Variants in BRINP3 observed in about 807,000 individuals in gnomAD.
BRINP3 encodes BMP/retinoic acid-inducible neural-specific protein 3.
A neutral mutation model predicts 71.0 loss-of-function variants in BRINP3; 19 were observed. The observed-to-expected ratio is 0.27, with a 90% CI of 0.19 to 0.39. The LOEUF (loss-of-function observed/expected upper bound fraction) is 0.39. Ranked by LOEUF, BRINP3 falls within the 10% of genes least tolerant of loss-of-function variation. The probability of loss-of-function intolerance (pLI) is 1.00; values close to 1 mark genes in which losing one functional copy is unlikely to be tolerated. For synonymous variants in BRINP3, 380 were observed against 337.7 expected (o/e 1.13, Z -1.37); for missense variants, 959 against 940.8 (o/e 1.02, Z -0.25).
At chr1:190,253,423 C>A (rs1382689949) in intron 4 of BRINP3, among the ~76,000 whole-genome samples, 2 of 152,168 alleles carry the variant, frequency 1.3e-5, no homozygotes, top group African/African-American at 4.8e-5. Flanking sequence ...TCTACACATC[C>A]TCTCCAGCAT....
intron 6 of BRINP3, among the ~76,000 whole-genome samples, chr1:190,165,018 A>G (rs1651364310): frequency 1.3e-5 from 2 of 152,172 alleles, no homozygotes; most frequent in Non-Finnish European, 2.9e-5. Context: ...ACAATGCAAT[A>G]TGGATAATAA....
chr1:190,442,488 T>C (rs1322732221), intron 2 of BRINP3, among the ~76,000 whole-genome samples: 1 of 152,202 alleles, frequency 6.6e-6, no homozygotes, highest in Admixed American at 6.5e-5. Flanking sequence ...GGCCATTCTC[T>C]TTGACTCTTT....
At chr1:190,316,561 T>C (rs1256667258) in intron 2 of BRINP3, among the ~76,000 whole-genome samples, 2 of 152,128 alleles carry the variant, frequency 1.3e-5, no homozygotes, top group Admixed American at 1.3e-4. Context: ...ACTATCACAG[T>C]ATTTTACTAA....
intron 2 of BRINP3, among the ~76,000 whole-genome samples, chr1:190,423,370 C>A (rs1482288981): frequency 6.6e-6 from 1 of 151,514 alleles, no homozygotes; most frequent in African/African-American, 2.4e-5. Flanking sequence ...CTAAGGCAGC[C>A]CCCAGTCCAC....
At chr1:190,387,686 G>A (rs1670998981) in intron 2 of BRINP3, among the ~76,000 whole-genome samples, 1 of 151,616 alleles carries the variant, frequency 6.6e-6, no homozygotes, top group Admixed American at 6.6e-5. Flanking sequence ...TTGTTTGCTT[G>A]CTCATTTGTT....
intron 2 of BRINP3, among the ~76,000 whole-genome samples, chr1:190,388,669 C>T (rs903243453): frequency 6.6e-6 from 1 of 151,732 alleles, no homozygotes; most frequent in Non-Finnish European, 1.5e-5. Flanking sequence ...ACTCCAGAAA[C>T]ATGAGACAAT....
At chr1:190,407,862 C>T (rs944824064) in intron 2 of BRINP3, among the ~76,000 whole-genome samples, 4 of 152,126 alleles carry the variant, frequency 2.6e-5, no homozygotes, top group African/African-American at 9.6e-5. Context: ...AAATTTATTA[C>T]GTTGGCTGAG....
At chr1:190,145,445 A>G (rs1239219241) in intron 7 of BRINP3, among the ~76,000 whole-genome samples, 1 of 152,142 alleles carries the variant, frequency 6.6e-6, no homozygotes, top group Non-Finnish European at 1.5e-5. Context: ...TCTCTTTTGA[A>G]CTGCTTTCTT....
At chr1:190,209,353 T>C (rs1422291695) in intron 6 of BRINP3, among the ~76,000 whole-genome samples, 3 of 152,126 alleles carry the variant, frequency 2.0e-5, no homozygotes, top group African/African-American at 7.2e-5. Flanking sequence ...ACACAAACAG[T>C]GAGTTTTCAA....
chr1:190,439,216 G>C (rs1288609655), intron 2 of BRINP3, among the ~76,000 whole-genome samples: 1 of 151,610 alleles, frequency 6.6e-6, no homozygotes. Context: ...CTCTTCCTAG[G>C]AGAGAAAAAA....
intron 2 of BRINP3, among the ~76,000 whole-genome samples, chr1:190,454,005 G>A (rs1489718689): frequency 6.6e-6 from 1 of 152,048 alleles, no homozygotes; most frequent in Non-Finnish European, 1.5e-5. Flanking sequence ...TGTATTCACG[G>A]GACATCAGGT....
intron 7 of BRINP3, among the ~76,000 whole-genome samples, chr1:190,128,501 G>T (rs1045507074): frequency 6.6e-6 from 1 of 151,710 alleles, no homozygotes; most frequent in African/African-American, 2.4e-5. Context: ...GTTGGTTGAT[G>T]AATAAAGGTT....
chr1:190,234,130 G>A (rs1658282301), intron 5 of BRINP3, among the ~76,000 whole-genome samples: 1 of 152,010 alleles, frequency 6.6e-6, no homozygotes, highest in Non-Finnish European at 1.5e-5. Flanking sequence ...ATATTATTAG[G>A]ACAGATTTTC....
intron 7 of BRINP3, among the ~76,000 whole-genome samples, chr1:190,126,930 C>T (rs1178783374): frequency 6.6e-6 from 1 of 151,692 alleles, no homozygotes; most frequent in Non-Finnish European, 1.5e-5. Flanking sequence ...GTGAAGAAAG[C>T]AAATATTTAA....
intron 2 of BRINP3, among the ~76,000 whole-genome samples, chr1:190,345,507 T>G (rs1167196778): frequency 6.6e-6 from 1 of 151,584 alleles, no homozygotes; most frequent in Non-Finnish European, 1.5e-5. Flanking sequence ...GTAATATTAG[T>G]CATATATATC....
At chr1:190,222,519 C>T (rs1249739767) in intron 6 of BRINP3, among the ~76,000 whole-genome samples, 1 of 151,462 alleles carries the variant, frequency 6.6e-6, no homozygotes, top group Non-Finnish European at 1.5e-5. Context: ...AACCAAACCC[C>T]AAATTAATAG....
intron 6 of BRINP3, among the ~76,000 whole-genome samples, chr1:190,201,580 T>C (rs1655006380): frequency 6.6e-6 from 1 of 152,124 alleles, no homozygotes; most frequent in Non-Finnish European, 1.5e-5. Context: ...TATGGCAGCC[T>C]CTCCTATTGC....
chr1:190,433,504 T>G (rs1245283166), intron 2 of BRINP3, among the ~76,000 whole-genome samples: 1 of 152,182 alleles, frequency 6.6e-6, no homozygotes, highest in Non-Finnish European at 1.5e-5. Context: ...CTTTCAGCAT[T>G]TATATGGCCC....
intron 6 of BRINP3, among the ~76,000 whole-genome samples, chr1:190,182,132 A>C (rs2102538852): frequency 6.6e-6 from 1 of 151,820 alleles, no homozygotes; most frequent in East Asian, 1.9e-4. Flanking sequence ...TTGTATTTTC[A>C]AATATTATAC....
Sources: gnomAD v4.1 joint callset for allele counts (sites outside exome capture counted in the v4.1 genomes callset) on GRCh38, gnomAD v4.1.1 for gene constraint, MANE v1.5 for transcripts, NCBI Gene and HGNC (gene_info 2026-07-23, HGNC 2026-07-21) for gene names.